Variants in ABI3BP observed in about 807,000 individuals in gnomAD.
The protein encoded by ABI3BP is ABI family member 3 binding protein.
ABI3BP carries 216 observed loss-of-function variants against 268.6 expected under a neutral mutation model. The ratio of observed to expected loss-of-function variants is 0.80; its 90% CI spans 0.72 to 0.90. ABI3BP has a LOEUF of 0.90. ABI3BP is among the 40% of genes least tolerant of loss of function. The pLI is 0.00. For synonymous variants in ABI3BP, 730 were observed against 730.0 expected (o/e 1.00, Z 0.00); for missense variants, 2,090 against 2,182.4 (o/e 0.96, Z 0.84).
In ABI3BP at chr3:100,811,750, C is replaced by A; in HGVS notation, c.3471G>T (p.Trp1157Cys). 6.5e-7 allele frequency: 1 copy of A among 1,535,456 alleles called. No individual in the cohort carries two copies. Among genetic ancestry groups the A allele is most frequent in the South Asian group, 1.2e-5 (1 of 84,034 alleles). Residue 1157 changes from tryptophan (W) to cysteine (C), a missense_variant, in exon 47 of 68, where the codon TGG becomes TGT. Physicochemically the swap from Trp to Cys is radical, Grantham distance 215 (BLOSUM62 -2). Coordinates refer to ENST00000471714, the MANE Select transcript of ABI3BP (RefSeq NM_001375547.2). ...TACCTTCAGTCTTTGGCTCCTCTGG[C>A]CAGAGTGGTGCTTTGGCAGTGGGAT... ...YVYPTAKAPL[W>C]PEEPKTEVVE...
At chr3:100,965,900 C>T (rs1009965588) in intron 1 of ABI3BP, among the ~76,000 whole-genome samples, 1 of 152,118 alleles carries the variant, frequency 6.6e-6, no homozygotes, top group Admixed American at 6.5e-5. Flanking sequence ...ATTATTTGGA[C>T]ATTTGATCCA....
At chr3:100,983,147 C>T (rs2090371582) in intron 1 of ABI3BP, among the ~76,000 whole-genome samples, 1 of 152,182 alleles carries the variant, frequency 6.6e-6, no homozygotes, top group Admixed American at 6.5e-5. Context: ...ATCTGAAGCT[C>T]CACCTTGGCA....
intron 1 of ABI3BP, among the ~76,000 whole-genome samples, chr3:100,946,537 C>T (rs962981132): frequency 1.3e-5 from 2 of 151,848 alleles, no homozygotes; most frequent in African/African-American, 4.8e-5. Flanking sequence ...ACCTGTAATT[C>T]CAGCACTTTG....
At chr3:100,795,065 T>C (rs959378361) in intron 53 of ABI3BP, 62 bp from the exon 54 acceptor site, 2 of 1,035,480 alleles carry the variant, frequency 1.9e-6, no homozygotes, top group Non-Finnish European at 2.6e-6. Context: ...CCAGACCAGA[T>C]TGGTATTACA....
intron 2 of ABI3BP, among the ~76,000 whole-genome samples, chr3:100,909,148 G>A (rs1382306224): frequency 2.0e-5 from 3 of 152,142 alleles, no homozygotes; most frequent in East Asian, 1.9e-4. Context: ...ACAAAAACAA[G>A]CAAATGGAGA....
Position 100,832,265 on chromosome 3 carries a change from C to G in ABI3BP, c.2400G>C (p.Leu800=). The G allele has an allele frequency of 6.5e-7, 1 of 1,535,172 alleles. No individual in the cohort carries two copies. Residue 800 remains leucine (L), a splice_region_variant and synonymous_variant, in exon 31 of 68, where the codon CTG becomes CTC. Transcript: ENST00000471714. ...ACAAAACAGAAACTACATATTTACC[C>G]AGTTTAGTTTGAGGTACTTCTGGAT... ...TPHPEVPQTK[L]VPATILEPVL... is the part of the protein sequence containing the mutation.
chr3:100,981,928 A>G (rs1024292699), intron 1 of ABI3BP, among the ~76,000 whole-genome samples: 1 of 152,220 alleles, frequency 6.6e-6, no homozygotes, highest in African/African-American at 2.4e-5. Context: ...CAGATGTATT[A>G]GTCCATTTTC....
At chr3:100,954,131 T>C (rs2576390) in intron 1 of ABI3BP, among the ~76,000 whole-genome samples, 85,657 of 151,938 alleles carry the variant, frequency 0.56, 24,809 homozygotes, top group East Asian at 0.89. Context: ...TTTAGAAATA[T>C]ACATGAGATA....
At chr3:100,827,607 A>G (rs1414238177) in intron 34 of ABI3BP, among the ~76,000 whole-genome samples, 1 of 152,072 alleles carries the variant, frequency 6.6e-6, no homozygotes. Context: ...AGCTTGGTAG[A>G]TTTTCCTGAA....
At chr3:100,913,384 G>A (rs2057470678) in intron 2 of ABI3BP, among the ~76,000 whole-genome samples, 1 of 152,178 alleles carries the variant, frequency 6.6e-6, no homozygotes, top group Non-Finnish European at 1.5e-5. Flanking sequence ...AAGTGACCCT[G>A]AAGTAATTAC....
chr3:100,819,322 C>T (rs2098138255), intron 40 of ABI3BP, among the ~76,000 whole-genome samples: 2 of 152,150 alleles, frequency 1.3e-5, no homozygotes, highest in South Asian at 4.1e-4. Context: ...GATTTTAAGA[C>T]CCAACTTCTT....
chr3:100,899,381 T>C (rs1362565211), intron 3 of ABI3BP, among the ~76,000 whole-genome samples: 1 of 152,256 alleles, frequency 6.6e-6, no homozygotes, highest in African/African-American at 2.4e-5. Flanking sequence ...TTGTAGGTTA[T>C]AATCTTTTTT....
intron 44 of ABI3BP, among the ~76,000 whole-genome samples, chr3:100,813,989 G>T (rs570288577): frequency 6.6e-6 from 1 of 151,900 alleles, no homozygotes; most frequent in Non-Finnish European, 1.5e-5. Flanking sequence ...TTCATGACAC[G>T]TGAAAATGGC....
At chr3:100,764,088 C>T (rs1457230849) in intron 63 of ABI3BP, among the ~76,000 whole-genome samples, 1 of 152,148 alleles carries the variant, frequency 6.6e-6, no homozygotes, top group Non-Finnish European at 1.5e-5. Context: ...GCCTATTTTT[C>T]ACTGCACACA....
intron 19 of ABI3BP, among the ~76,000 whole-genome samples, chr3:100,846,835 T>C (rs2152991270): frequency 6.6e-6 from 1 of 152,278 alleles, no homozygotes; most frequent in South Asian, 2.1e-4. Flanking sequence ...AAACACCATG[T>C]TTTACAATTA....
chr3:100,991,307 C>CT (rs1247949219), intron 1 of ABI3BP, among the ~76,000 whole-genome samples: 1 of 152,016 alleles, frequency 6.6e-6, no homozygotes, highest in Non-Finnish European at 1.5e-5. Flanking sequence ...CTTTTTTCTT[C>CT]TTTTTTAACT....
intron 9 of ABI3BP, among the ~76,000 whole-genome samples, chr3:100,873,806 C>A (rs1293605964): frequency 1.3e-5 from 2 of 152,158 alleles, no homozygotes; most frequent in Non-Finnish European, 2.9e-5. Flanking sequence ...GGTAACTCAC[C>A]ATCATAGCCC....
intron 51 of ABI3BP, 36 bp downstream of exon 51, chr3:100,804,756 A>G: frequency 6.4e-7 from 1 of 1,568,046 alleles, no homozygotes. Flanking sequence ...GGGACAGTAG[A>G]ATGCATTTGG....
chr3:100,875,103 T>C (rs1215052118), intron 8 of ABI3BP, among the ~76,000 whole-genome samples, 170 bp from the exon 9 acceptor site: 3 of 152,218 alleles, frequency 2.0e-5, no homozygotes, highest in Non-Finnish European at 4.4e-5. Context: ...ACATTCTAAA[T>C]AGAATATTTT....
Sources: allele counts gnomAD v4.1 joint callset (sites outside exome capture counted in the v4.1 genomes callset), GRCh38; gene constraint gnomAD v4.1.1; transcripts MANE v1.5; gene names NCBI Gene and HGNC (gene_info 2026-07-23, HGNC 2026-07-21).